The following MYOM1 variants were observed in gnomAD, a reference collection of about 807,000 sequenced individuals.
MYOM1 encodes the protein myomesin 1.
A neutral mutation model predicts 205.3 loss-of-function variants in MYOM1; 164 were observed. That is an observed-to-expected ratio of 0.80 (90% CI 0.70 to 0.91). The LOEUF is 0.91. Among genes scored for constraint, MYOM1 ranks in the 40% least tolerant of loss-of-function variants. MYOM1 has a pLI of 0.00. For missense variants in MYOM1, 2,011 were observed against 2,127.3 expected (o/e 0.95, Z 1.08); for synonymous variants, 772 against 789.4 (o/e 0.98, Z 0.37).
intron 11 of MYOM1, 37 bp downstream of exon 11, chr18:3,154,910 C>T: frequency 1.3e-6 from 2 of 1,593,506 alleles, no homozygotes; most frequent in Non-Finnish European, 1.7e-6. Flanking sequence ...ATCTCTATGA[C>T]CAAATAACTG....
chr18:3,238,897 T>C, the MYOM1 span, among the ~76,000 whole-genome samples: 1 of 152,198 alleles, frequency 6.6e-6, no homozygotes, highest in South Asian at 2.1e-4. Context: ...CACAGTCACA[T>C]CTTTCTCTAA....
Position 3,083,969 on chromosome 18 carries a change from G to C in MYOM1, c.4378+20C>G. On this transcript the variant is annotated intron_variant, in intron 32 of 37. Coordinates refer to ENST00000356443, the MANE Select transcript of MYOM1 (RefSeq NM_003803.4). ...AGGAGGATCATAAAGCATTGTTGTG[G>C]TGCGAAATGTTTGACTCACCTATTT... The C allele has an allele frequency of 6.3e-7, 1 of 1,586,678 alleles. No individual in the cohort carries two copies. Among genetic ancestry groups the C allele is most frequent in the South Asian group, 1.1e-5 (1 of 87,076 alleles).
chr18:3,218,362 A>C (rs1240208381), intron 1 of MYOM1, among the ~76,000 whole-genome samples: 1 of 152,242 alleles, frequency 6.6e-6, no homozygotes, highest in Non-Finnish European at 1.5e-5. Flanking sequence ...GTTTAAAACT[A>C]CTTTTTATTT....
rs2079795353 is a variant in MYOM1 at position 3,126,907 on chromosome 18, T to C, written c.2795-10A>G. On this transcript the variant is annotated splice_polypyrimidine_tract_variant and intron_variant, in intron 18 of 37. Transcript: ENST00000356443. ...GGTGGAGATGGTGGTGCTGTAGCAATATGAATAGCTTGTGAGTAGGCAGAA... is the reference window on the plus strand; with the variant it reads ...GGTGGAGATGGTGGTGCTGTAGCAACATGAATAGCTTGTGAGTAGGCAGAA... The C allele has an allele frequency of 6.2e-7, 1 of 1,600,370 alleles. No homozygotes were observed. Among genetic ancestry groups the C allele is most frequent in the African/African-American group, 1.3e-5 (1 of 74,688 alleles).
chr18:3,090,928 T>A, intron 26 of MYOM1, 126 bp from the exon 27 acceptor site: 1 of 1,190,950 alleles, frequency 8.4e-7, no homozygotes, highest in Non-Finnish European at 1.2e-6. Flanking sequence ...ATGCCTGTAA[T>A]CCCAGTACTT....
chr18:3,110,042 C>T (rs777686242), intron 22 of MYOM1, among the ~76,000 whole-genome samples: 13 of 151,980 alleles, frequency 8.6e-5, no homozygotes, highest in East Asian at 1.9e-4. Flanking sequence ...CTCTTCCCCA[C>T]AAAAAATGAT....
Position 3,176,042 on chromosome 18 carries a change from C to G in MYOM1, c.1022G>C (p.Gly341Ala), listed in dbSNP as rs8099021. ...CACATGGACACTAATGTTCTCTTAC[C>G]CATTAATCTCCAGAGTGTGCATCCC... ...RYGMHTLEIN[G>A]CDFEDTAQYR... The change falls in exon 6 of 38, where the codon GGA becomes GCA. Residue 341 changes from glycine to alanine, a missense_variant and splice_region_variant. By Grantham distance (60) the Gly-to-Ala change is moderately conservative. Transcript: ENST00000356443. 1,125,478 of 1,549,978 alleles carry G rather than the reference C, an allele frequency of 0.73. 410,464 individuals are homozygous for G. The highest frequency in any genetic ancestry group is 0.8 in the African/African-American group (59,151 of 73,706).
intron 33 of MYOM1, among the ~76,000 whole-genome samples, chr18:3,081,515 C>T (rs922799228): frequency 6.6e-6 from 1 of 152,152 alleles, no homozygotes; most frequent in Non-Finnish European, 1.5e-5. Context: ...GCTTTGCTGG[C>T]CTAATAGCAA....
chr18:3,246,844 G>A, the MYOM1 span: 1 of 152,228 alleles, frequency 6.6e-6, no homozygotes, highest in Non-Finnish European at 1.5e-5. Context: ...AGAGAGCTGA[G>A]GGGGCCAGAA....
At chr18:3,208,674 G>C (rs2081155827) in intron 2 of MYOM1, among the ~76,000 whole-genome samples, 1 of 152,104 alleles carries the variant, frequency 6.6e-6, no homozygotes, top group Admixed American at 6.5e-5. Flanking sequence ...ACAAACCTTA[G>C]AATATTGTAT....
intron 19 of MYOM1, among the ~76,000 whole-genome samples, chr18:3,120,622 TC>T (rs1391563699): frequency 2.0e-5 from 3 of 152,152 alleles, no homozygotes; most frequent in Non-Finnish European, 4.4e-5. Context: ...GACCCCTGAC[TC>T]AAGGACACCG....
rs919186991 is a variant in MYOM1 at position 3,209,352 on chromosome 18, G to A, written c.290+5582C>T. Among the ~76,000 whole-genome samples, 28 of 152,232 alleles carry A rather than the reference G, an allele frequency of 1.8e-4. No individual in the cohort carries two copies. Among genetic ancestry groups the A allele is most frequent in the African/African-American group, 6.7e-4 (28 of 41,554 alleles). ...ACATCTGGCCACTGCTCGCACATCC[G>A]CTCTTACTGCACATCTGGCCCTGGC... On this transcript the variant is annotated intron_variant, in intron 2 of 37. Coordinates refer to ENST00000356443, the MANE Select transcript of MYOM1 (RefSeq NM_003803.4). This position sits in a 1 kb window ranked among gnomAD's most constrained non-coding sequence, Gnocchi z 4.0.
chr18:3,094,144 A>T (rs761518415), intron 26 of MYOM1, 26 bp downstream of exon 26: 35 of 1,610,128 alleles, frequency 2.2e-5, no homozygotes, highest in Non-Finnish European at 3.0e-5. Flanking sequence ...TGATACATTA[A>T]AAAGTCTAAA....
chr18:3,100,629 G>A (rs1400300336), intron 23 of MYOM1, among the ~76,000 whole-genome samples: 2 of 152,102 alleles, frequency 1.3e-5, no homozygotes, highest in Non-Finnish European at 2.9e-5. Context: ...TCCTTCCAGG[G>A]GGTGATGGTG....
intron 13 of MYOM1, among the ~76,000 whole-genome samples, chr18:3,148,540 T>C (rs919198561): frequency 1.3e-5 from 2 of 151,878 alleles, no homozygotes; most frequent in Non-Finnish European, 2.9e-5. Flanking sequence ...GACAAATACG[T>C]TCATTATTTT....
In MYOM1 at chr18:3,193,862, T is replaced by C. The variant is rs370293379; in HGVS notation, c.387A>G (p.Lys129=). 48 of 1,613,884 alleles carry C rather than the reference T, an allele frequency of 3.0e-5. 2 individuals carry two copies. The East Asian group carries it at 3.6e-4, about 12-fold the overall frequency. ...CCATGTAGTCACTGGGCAAATTTTC[T>C]TTCTCTTCTCCAGACAGTAGGCTGT... ...AKHSLLSGEE[K]ENLPSDYMVP... Residue 129 remains lysine, a synonymous_variant, in exon 3 of 38, where the codon AAA becomes AAG. Transcript: ENST00000356443.
chr18:3,080,230 C>G (rs896736001), intron 33 of MYOM1, among the ~76,000 whole-genome samples: 1 of 151,842 alleles, frequency 6.6e-6, no homozygotes, highest in Non-Finnish European at 1.5e-5. Context: ...GCAGGAAGTA[C>G]CCTAAAATGT....
At chr18:3,205,793 G>T (rs576615492) in intron 2 of MYOM1, among the ~76,000 whole-genome samples, 7 of 152,088 alleles carry the variant, frequency 4.6e-5, no homozygotes, top group African/African-American at 1.7e-4. Context: ...CATATAACAC[G>T]TTATAATACC....
In MYOM1 at chr18:3,116,310, T is replaced by A. The variant is rs776751679; in HGVS notation, c.3303+21A>T. On this transcript the variant is annotated intron_variant, in intron 21 of 37. Coordinates refer to ENST00000356443, the MANE Select transcript of MYOM1 (RefSeq NM_003803.4). ...GTAGAGCAGTTAGTAGAGGAAGCTC[T>A]AGAACTGAGCAGCCTCTTACCTTCA... 8.1e-6 allele frequency: 13 copies of A among 1,606,454 alleles called. No homozygotes were observed. In the South Asian group the frequency reaches 1.4e-4, roughly 18 times the overall value.
Sources: gnomAD v4.1 joint callset for allele counts (sites outside exome capture counted in the v4.1 genomes callset) on GRCh38, gnomAD v4.1.1 for gene constraint, Gnocchi (gnomAD v3.1) non-coding constraint, MANE v1.5 for transcripts, NCBI Gene and HGNC (gene_info 2026-07-23, HGNC 2026-07-21) for gene names.